The following CTNS variants were observed in gnomAD, a reference collection of about 807,000 sequenced individuals.
The protein encoded by CTNS is cystinosin, lysosomal cystine transporter, also known as cystinosin.
In CTNS, 27 loss-of-function variants were observed where a neutral mutation model predicts 43.7. The observed-to-expected ratio is 0.62, with a 90% CI of 0.46 to 0.85. The LOEUF is 0.85. Among genes scored for constraint, CTNS ranks in the 40% least tolerant of loss-of-function variants. The pLI, the probability that CTNS is intolerant of heterozygous loss-of-function variation, is 0.00. For synonymous variants in CTNS, 187 were observed against 190.6 expected (o/e 0.98, Z 0.16); for missense variants, 457 against 475.4 (o/e 0.96, Z 0.36).
intron 5 of CTNS, among the ~76,000 whole-genome samples, chr17:3,651,981 AAG>A (rs889582733): frequency 2.0e-5 from 3 of 146,442 alleles, no homozygotes; most frequent in African/African-American, 8.0e-5. Flanking sequence ...CTCAAAAAAA[AAG>A]AAAAGAAAAG....
Position 3,660,872 on chromosome 17 carries a change from T to A in CTNS, c.*503T>A, listed in dbSNP as rs2076265891. 7.5e-7 allele frequency: 1 copy of A among 1,327,502 alleles called. No homozygotes were observed. Among genetic ancestry groups the A allele is most frequent in the East Asian group, 2.5e-5 (1 of 39,858 alleles). 82.2% of individuals were successfully genotyped at this position (1,327,502 alleles called of 1,614,324 possible). On this transcript the variant is annotated 3_prime_UTR_variant, in exon 12 of 12. Coordinates refer to ENST00000046640, the MANE Select transcript of CTNS (RefSeq NM_004937.3). Reference sequence around the variant, plus strand: ...CTTTGGGGTTAGGCCATGGGGCTCTTTCTCTGAAGGCCACTTTCCTGACGT... The same window carrying A: ...CTTTGGGGTTAGGCCATGGGGCTCTATCTCTGAAGGCCACTTTCCTGACGT...
rs569706026 is a variant in CTNS at position 3,658,247 on chromosome 17, G to A, written c.852+72G>A. The A allele has an allele frequency of 1.5e-5, 23 of 1,578,186 alleles. 1 individual carries two copies. The highest frequency in any genetic ancestry group is 4.5e-5 in the East Asian group (2 of 44,260). On this transcript the variant is annotated intron_variant, in intron 10 of 11. Transcript: ENST00000046640. ...AGCTACATGGCCCAGGCCCTGCTCC[G>A]GTGGGGCAGCTCCTGCCGGCGTGAG...
At chr17:3,642,029 A>G (rs595039) in intron 3 of CTNS, among the ~76,000 whole-genome samples, 71,789 of 147,342 alleles carry the variant, frequency 0.49, 18,250 homozygotes, top group Non-Finnish European at 0.57. Flanking sequence ...GCGCGCGTGT[A>G]TTTGCCTGGG....
chr17:3,658,970 G>C (rs1380200758), intron 10 of CTNS, among the ~76,000 whole-genome samples: 1 of 93,058 alleles, frequency 1.1e-5, no homozygotes, highest in Non-Finnish European at 2.6e-5. Flanking sequence ...CCCGGGAGCT[G>C]GGGGGGGCTT....
intron 10 of CTNS, 110 bp downstream of exon 10, chr17:3,658,285 A>C: frequency 6.9e-7 from 1 of 1,449,546 alleles, no homozygotes; most frequent in Non-Finnish European, 9.4e-7. Flanking sequence ...AACAGGACGG[A>C]AAGCCACAGG....
At position 3,653,721 on chromosome 17, in the gene CTNS, C is replaced by A. The variant is rs572075241; in HGVS notation, c.226-1277C>A. On this transcript the variant is annotated intron_variant, in intron 5 of 11. Transcript: ENST00000046640. ...TGAAACCCCGTCTCTACTAAAAATA[C>A]AAAAATTAGCCAGACGTGGTGGCAC... Among the ~76,000 whole-genome samples, 11 of 152,062 alleles carry A rather than the reference C, an allele frequency of 7.2e-5. No individual in the cohort carries two copies. The East Asian group carries it at 1.9e-3, about 27-fold the overall frequency.
upstream of CTNS, chr17:3,636,685 C>A: frequency 6.3e-6 from 1 of 157,740 alleles, no homozygotes; most frequent in South Asian, 1.8e-4. Context: ...GATCCGGCCC[C>A]ACGAGTCAGG....
At chr17:3,637,766 C>G (rs532556149) in intron 2 of CTNS, among the ~76,000 whole-genome samples, 1 of 152,294 alleles carries the variant, frequency 6.6e-6, no homozygotes, top group Non-Finnish European at 1.5e-5. Flanking sequence ...CGCGCCCAGC[C>G]TACCCCCAGC....
chr17:3,651,119 G>C (rs996260556), intron 5 of CTNS, among the ~76,000 whole-genome samples: 1 of 151,032 alleles, frequency 6.6e-6, no homozygotes, highest in African/African-American at 2.4e-5. Flanking sequence ...GATTGAGACA[G>C]AGTCTCACTT....
In CTNS at chr17:3,660,882, G is replaced by A; in HGVS notation, c.*513G>A. ...AGGCCATGGGGCTCTTTCTCTGAAG[G>A]CCACTTTCCTGACGTACTCTCTGTA... On this transcript the variant is annotated 3_prime_UTR_variant, in exon 12 of 12. Transcript: ENST00000046640. 1 of 1,205,974 alleles carries A rather than the reference G, an allele frequency of 8.3e-7. No individual in the cohort carries two copies. Among genetic ancestry groups the A allele is most frequent in the Non-Finnish European group, 1.2e-6 (1 of 847,766 alleles). 74.7% of individuals were successfully genotyped at this position (1,205,974 alleles called of 1,614,324 possible).
intron 7 of CTNS, 147 bp downstream of exon 7, chr17:3,655,499 T>C: frequency 4.1e-6 from 5 of 1,227,634 alleles, no homozygotes; most frequent in African/African-American, 1.5e-5. Context: ...GTGCGAAGGC[T>C]CGGAGAGCCT....
chr17:3,659,870 T>C lies in CTNS; in HGVS notation c.865T>C (p.Phe289Leu). Residue 289 changes from phenylalanine (F) to leucine (L), a missense_variant, in exon 11 of 12, where the codon TTT (phenylalanine) becomes CTT (leucine). By Grantham distance (22) the Phe-to-Leu change is conservative. Transcript: ENST00000046640. ...CTGTCTGGCCCAGGCCTACATGAAC[T>C]TTTACTACAAAAGCACTGAGGGCTG... Reference protein sequence around the residue: ...VKYFPQAYMNFYYKSTEGWSI... With the variant: ...VKYFPQAYMNLYYKSTEGWSI... The C allele has an allele frequency of 1.2e-6, 2 of 1,613,786 alleles. No individual in the cohort carries two copies. Among genetic ancestry groups the C allele is most frequent in the Non-Finnish European group, 1.7e-6 (2 of 1,179,856 alleles).
At chr17:3,659,191 A>G (rs1221609155) in intron 10 of CTNS, among the ~76,000 whole-genome samples, 1 of 90,112 alleles carries the variant, frequency 1.1e-5, no homozygotes, top group Non-Finnish European at 3.2e-5. Flanking sequence ...GACCTGCCTC[A>G]CGGGGGGAAG....
At chr17:3,643,005 G>T (rs551062687) in intron 3 of CTNS, among the ~76,000 whole-genome samples, 4 of 152,064 alleles carry the variant, frequency 2.6e-5, no homozygotes, top group Non-Finnish European at 5.9e-5. Context: ...TTCCTGAAAT[G>T]TAAAATAGGA....
In CTNS at chr17:3,662,451, C is replaced by T. The variant is rs182280281; in HGVS notation, c.*2082C>T. ...GACTCACCCCCATCTGGCCAGATCA[C>T]GGCCCCCAGCAACACGTGGGGTTGT... is the stretch of plus-strand genomic sequence containing the variant. On this transcript the variant is annotated 3_prime_UTR_variant, in exon 12 of 12. Coordinates refer to ENST00000046640, the MANE Select transcript of CTNS (RefSeq NM_004937.3). Among the ~76,000 whole-genome samples the T allele has an allele frequency of 4.5e-4, 69 of 152,298 alleles. No homozygotes were observed. Among genetic ancestry groups the T allele is most frequent in the Non-Finnish European group, 7.5e-4 (51 of 68,018 alleles).
At position 3,655,019 on chromosome 17, in the gene CTNS, A is replaced by G; in HGVS notation, c.247A>G (p.Thr83Ala). The G allele has an allele frequency of 6.2e-7, 1 of 1,613,872 alleles. No individual in the cohort carries two copies. The highest frequency in any genetic ancestry group is 1.7e-5 in the Admixed American group (1 of 60,012). The change falls in exon 6 of 12, where the codon ACA becomes GCA. Residue 83 changes from threonine to alanine, a missense_variant. By Grantham distance (58) the Thr-to-Ala change is moderately conservative. Coordinates refer to ENST00000046640, the MANE Select transcript of CTNS (RefSeq NM_004937.3). The part of the protein sequence containing the change: ...PDEVVVPPGV[T>A]NSSFQVTSQN... ...ACAGGTTGTGGTGCCTCCTGGAGTGACAAACTCCTCTTTTCAAGTGACATC... is the reference window on the plus strand; with the variant it reads ...ACAGGTTGTGGTGCCTCCTGGAGTGGCAAACTCCTCTTTTCAAGTGACATC...
At chr17:3,647,563 G>GC in intron 4 of CTNS, 41 bp downstream of exon 4, 1 of 1,583,826 alleles carries the variant, frequency 6.3e-7, no homozygotes, top group East Asian at 2.2e-5. Flanking sequence ...CTCCGCTCAG[G>GC]CCCCGCAGCT....
intron 5 of CTNS, among the ~76,000 whole-genome samples, chr17:3,653,120 CCT>C (rs2076026312): frequency 6.6e-6 from 1 of 152,146 alleles, no homozygotes; most frequent in South Asian, 2.1e-4. Flanking sequence ...GCAAGACCTG[CCT>C]CTCGGAAGGC....
At chr17:3,659,341 G>C (rs1424784856) in intron 10 of CTNS, among the ~76,000 whole-genome samples, 1 of 152,174 alleles carries the variant, frequency 6.6e-6, no homozygotes, top group Admixed American at 6.5e-5. Flanking sequence ...CCTGTGGGGG[G>C]CGTTAACCCC....
Sources: gnomAD v4.1 joint callset for allele counts (sites outside exome capture counted in the v4.1 genomes callset) on GRCh38, gnomAD v4.1.1 for gene constraint, MANE v1.5 for transcripts, NCBI Gene and HGNC (gene_info 2026-07-23, HGNC 2026-07-21) for gene names.